FUT9: variants seen among roughly 807,000 people sequenced by gnomAD.
FUT9 encodes 4-galactosyl-N-acetylglucosaminide 3-alpha-L-fucosyltransferase 9.
A neutral mutation model predicts 29.7 loss-of-function variants in FUT9; 15 were observed. The ratio of observed to expected loss-of-function variants is 0.51; its 90% CI spans 0.34 to 0.78. The LOEUF is 0.78. FUT9 is among the 30% of genes least tolerant of loss of function. The pLI is 0.01. For missense variants in FUT9, 319 were observed against 425.4 expected, an observed-to-expected ratio of 0.75 and a Z score of 2.20; for synonymous variants, 169 against 153.7, an observed-to-expected ratio of 1.10 and a Z score of -0.74.
At position 96,203,725 on chromosome 6, in the gene FUT9, C is replaced by T. The variant is rs549928588; in HGVS notation, c.570C>T (p.Cys190=). 2.5e-6 allele frequency: 4 copies of T among 1,614,038 alleles called. No individual in the cohort carries two copies. In the South Asian group the frequency reaches 3.3e-5, roughly 13 times the overall value. ...FEVPSKEKLV[C]WVVSNWNPEH... is the part of the protein sequence containing the mutation. ...TGCCAAGCAAAGAGAAATTGGTGTG[C>T]TGGGTTGTGAGTAACTGGAACCCTG... Residue 190 remains cysteine, a synonymous_variant, in exon 3 of 3, where the codon TGC becomes TGT. Coordinates refer to ENST00000302103, the MANE Select transcript of FUT9 (RefSeq NM_006581.4).
rs957649982 is a variant in FUT9 at position 96,206,154 on chromosome 6, A to G, written c.*1919A>G. ...TGGGTCAATGCTGATTTAATGGGGA[A>G]AAAAAGTAGAAAATTTCCCCAATTG... On this transcript the variant is annotated 3_prime_UTR_variant, in exon 3 of 3. Transcript: ENST00000302103. The G allele has an allele frequency of 2.7e-4, 45 of 167,014 alleles. 1 individual carries two copies. In the Admixed American group the frequency reaches 2.8e-3, roughly 10 times the overall value. The allele number at this position is 167,014 out of a possible 1,614,324, so 10.3% of individuals were successfully genotyped here. A position where few individuals can be genotyped will look rare whatever the true frequency, so the allele number is the denominator to read the frequency against.
At chr6:96,139,426 G>A (rs1431949818) in intron 2 of FUT9, among the ~76,000 whole-genome samples, 1 of 152,140 alleles carries the variant, frequency 6.6e-6, no homozygotes, top group Non-Finnish European at 1.5e-5. Flanking sequence ...GCCACATGGT[G>A]CAAGCTGTTT....
chr6:96,108,827 CGTTCATTTGTACACACACA>C (rs1184507441), intron 1 of FUT9, among the ~76,000 whole-genome samples: 12 of 152,154 alleles, frequency 7.9e-5, no homozygotes, highest in Middle Eastern at 3.4e-3. Context: ...ACACACACAC[CGTTCATTTGTACACACACA>C]GTTCATTTGT....
intron 1 of FUT9, among the ~76,000 whole-genome samples, chr6:96,030,413 A>T (rs989930600): frequency 6.6e-6 from 1 of 151,576 alleles, no homozygotes; most frequent in South Asian, 2.1e-4. Context: ...TCAGAGTAAG[A>T]TATCACTGTA....
intron 1 of FUT9, among the ~76,000 whole-genome samples, chr6:96,102,216 A>G (rs1771598203): frequency 6.6e-6 from 1 of 152,050 alleles, no homozygotes; most frequent in African/African-American, 2.4e-5. Flanking sequence ...GTAAATGTTC[A>G]TATGTAGATG....
At chr6:96,026,561 A>T (rs1770172238) in intron 1 of FUT9, among the ~76,000 whole-genome samples, 1 of 151,686 alleles carries the variant, frequency 6.6e-6, no homozygotes, top group Non-Finnish European at 1.5e-5. Context: ...CATTAAGCAA[A>T]AATGTGTTAT....
At chr6:96,034,524 T>G (rs1195318752) in intron 1 of FUT9, among the ~76,000 whole-genome samples, 2 of 151,774 alleles carry the variant, frequency 1.3e-5, no homozygotes, top group East Asian at 3.9e-4. Flanking sequence ...AATTATTGTC[T>G]TTATTTAACA....
At chr6:96,095,376 C>A (rs755911777) in intron 1 of FUT9, among the ~76,000 whole-genome samples, 2 of 152,208 alleles carry the variant, frequency 1.3e-5, no homozygotes, top group Non-Finnish European at 2.9e-5. Context: ...GATTACATTG[C>A]CTGATTGACT....
chr6:96,177,836 G>A (rs1163208111), intron 2 of FUT9, among the ~76,000 whole-genome samples: 1 of 151,942 alleles, frequency 6.6e-6, no homozygotes, highest in Admixed American at 6.6e-5. Context: ...CCTCAATATA[G>A]AGTCTGCCAC....
chr6:96,120,674 T>C (rs1449786357), intron 2 of FUT9, among the ~76,000 whole-genome samples: 1 of 138,162 alleles, frequency 7.2e-6, no homozygotes. Context: ...ACTTAAAATA[T>C]TTGCAGTTTT....
intron 1 of FUT9, among the ~76,000 whole-genome samples, chr6:96,065,926 C>G (rs78360629): frequency 0.032 from 4,904 of 152,228 alleles, 288 homozygotes; most frequent in African/African-American, 0.11. Flanking sequence ...ATTCCAAAGT[C>G]TGGCCATTTA....
At chr6:96,202,888 C>A (rs1773753615) in intron 2 of FUT9, among the ~76,000 whole-genome samples, 2 of 151,940 alleles carry the variant, frequency 1.3e-5, no homozygotes, top group African/African-American at 4.8e-5. Context: ...TTAAGGATAG[C>A]ATTGAAAAAA....
chr6:96,017,618 T>C (rs1225940417), intron 1 of FUT9, among the ~76,000 whole-genome samples: 2 of 152,168 alleles, frequency 1.3e-5, no homozygotes, highest in Non-Finnish European at 2.9e-5. Flanking sequence ...AACATGGCAT[T>C]GTACTCCATG....
chr6:96,017,474 A>T (rs2127918985), intron 1 of FUT9, among the ~76,000 whole-genome samples: 1 of 152,352 alleles, frequency 6.6e-6, no homozygotes, highest in African/African-American at 2.4e-5. Flanking sequence ...GGATGGAGTG[A>T]ACATCGGGAG....
chr6:96,165,263 C>G (rs1422823870), intron 2 of FUT9, among the ~76,000 whole-genome samples: 1 of 151,884 alleles, frequency 6.6e-6, no homozygotes, highest in Non-Finnish European at 1.5e-5. Flanking sequence ...GAAACCCCGT[C>G]TCTACTAAAA....
At chr6:96,019,596 T>C (rs1770034727) in intron 1 of FUT9, among the ~76,000 whole-genome samples, 2 of 152,090 alleles carry the variant, frequency 1.3e-5, no homozygotes, top group Non-Finnish European at 2.9e-5. Context: ...ATAAGCATGA[T>C]GATTCAACCA....
chr6:96,035,905 ATAATACATTAT>A (rs1770354168), intron 1 of FUT9, among the ~76,000 whole-genome samples: 1 of 91,196 alleles, frequency 1.1e-5, no homozygotes, highest in East Asian at 2.5e-4. Flanking sequence ...TTAATATAAT[ATAATACATTAT>A]GTTTATTATA....
rs1041544307 is a variant in FUT9, at chr6:96,215,508, A to C, written c.*11273A>C. The C allele has an allele frequency of 6.0e-6, 1 of 166,762 alleles. No individual in the cohort carries two copies. Among genetic ancestry groups the C allele is most frequent in the Non-Finnish European group, 1.5e-5 (1 of 68,110 alleles). The allele number at this position is 166,762 out of a possible 1,614,324, so 10.3% of individuals were successfully genotyped here. ...TTCAGTGTAAGTACCTCGCTGATTT[A>C]GCACTGGAGTTATTCCTTGAATGTG... On this transcript the variant is annotated 3_prime_UTR_variant, in exon 3 of 3. Coordinates refer to ENST00000302103, the MANE Select transcript of FUT9 (RefSeq NM_006581.4).
chr6:96,164,253 C>CT (rs57049980), intron 2 of FUT9, among the ~76,000 whole-genome samples: 52,020 of 105,382 alleles, frequency 0.49, 14,501 homozygotes, highest in South Asian at 0.73. Flanking sequence ...GATCCAGGTT[C>CT]TTTTTTTTTT....
Sources: allele counts gnomAD v4.1 joint callset (sites outside exome capture counted in the v4.1 genomes callset), GRCh38; gene constraint gnomAD v4.1.1; transcripts MANE v1.5; gene names NCBI Gene and HGNC (gene_info 2026-07-23, HGNC 2026-07-21).